PPM1B: variants seen among roughly 807,000 people sequenced by gnomAD.
The protein encoded by PPM1B is protein phosphatase 1B.
A neutral mutation model predicts 43.0 loss-of-function variants in PPM1B; 22 were observed. That is an observed-to-expected ratio of 0.51 (90% CI 0.37 to 0.73). PPM1B has a LOEUF of 0.73. PPM1B is among the 30% of genes least tolerant of loss of function. The pLI, the probability that PPM1B is intolerant of heterozygous loss-of-function variation, is 0.00. For missense variants in PPM1B, 632 were observed against 584.2 expected (o/e 1.08, Z -0.84); for synonymous variants, 217 against 197.9 (o/e 1.10, Z -0.81).
intron 5 of PPM1B, 45 bp from the exon 6 acceptor site, chr2:44,230,368 T>A: frequency 1.3e-6 from 2 of 1,594,764 alleles, no homozygotes; most frequent in Non-Finnish European, 8.5e-7. Context: ...ACATGTGATA[T>A]CCTAGTTTGT....
At chr2:44,228,172 T>A (rs1305118623) in intron 5 of PPM1B, among the ~76,000 whole-genome samples, 2 of 144,356 alleles carry the variant, frequency 1.4e-5, no homozygotes, top group East Asian at 2.1e-4. Flanking sequence ...TCCACCCGCC[T>A]CAGCCTAACA....
At chr2:44,194,678 G>A (rs938265872) in intron 1 of PPM1B, among the ~76,000 whole-genome samples, 4 of 151,634 alleles carry the variant, frequency 2.6e-5, no homozygotes, top group Non-Finnish European at 4.4e-5. Context: ...AGCCGAGATC[G>A]CGCTACTGCA....
intron 3 of PPM1B, 66 bp from the exon 4 acceptor site, chr2:44,217,901 G>C (rs1188309295): frequency 1.1e-6 from 1 of 952,226 alleles, no homozygotes; most frequent in Non-Finnish European, 1.5e-6. Flanking sequence ...AGTATCTCTT[G>C]TTTCACTTCT....
At chr2:44,229,949 TTAAATC>T (rs1192800956) in intron 5 of PPM1B, 23 of 1,468,240 alleles carry the variant, frequency 1.6e-5, no homozygotes, top group South Asian at 3.9e-5. Flanking sequence ...AAAAATCTGT[TTAAATC>T]TATATAGTTT....
chr2:44,190,556 T>C (rs937186472), intron 1 of PPM1B, among the ~76,000 whole-genome samples: 2 of 152,208 alleles, frequency 1.3e-5, no homozygotes, highest in African/African-American at 4.8e-5. Flanking sequence ...TTGTTCTTAC[T>C]TTTTAAGGCA....
At chr2:44,193,886 T>A (rs1001110375) in intron 1 of PPM1B, among the ~76,000 whole-genome samples, 7 of 151,574 alleles carry the variant, frequency 4.6e-5, no homozygotes, top group East Asian at 1.9e-4. Flanking sequence ...GCATAAAAAA[T>A]TTTTTTTTAT....
chr2:44,173,800 C>T (rs556441965), intron 1 of PPM1B, among the ~76,000 whole-genome samples: 67 of 152,116 alleles, frequency 4.4e-4, no homozygotes, highest in African/African-American at 1.4e-3. Flanking sequence ...AAAAATTAGC[C>T]GGGTGTGGTG....
At chr2:44,238,773 C>A (rs759734461), downstream of PPM1B, among the ~76,000 whole-genome samples, 1 of 151,880 alleles carries the variant, frequency 6.6e-6, no homozygotes, top group East Asian at 1.9e-4. Context: ...TAGTTTACTT[C>A]GGACTGTAAC....
chr2:44,199,705 A>G (rs1003644438), intron 1 of PPM1B, among the ~76,000 whole-genome samples: 1 of 152,228 alleles, frequency 6.6e-6, no homozygotes, highest in African/African-American at 2.4e-5. Flanking sequence ...ACAAAATATG[A>G]CATTCTACTG....
At chr2:44,185,724 TG>T (rs202229115) in intron 1 of PPM1B, among the ~76,000 whole-genome samples, 2,977 of 152,314 alleles carry the variant, frequency 0.02, 118 homozygotes, top group African/African-American at 0.068. Context: ...GGAGAATTAT[TG>T]AAAGTGACTA....
At chr2:44,192,376 C>G (rs184079149) in intron 1 of PPM1B, among the ~76,000 whole-genome samples, 2 of 151,956 alleles carry the variant, frequency 1.3e-5, no homozygotes, top group African/African-American at 2.4e-5. Flanking sequence ...AAACCATGCC[C>G]GGCTAATTTT....
At position 44,231,267 on chromosome 2, in the gene PPM1B, G is replaced by A; in HGVS notation, c.*549G>A. ...CTGTAGTTTTATTTTTAGAAGTTGT[G>A]AGATATTGGATGTGTGGCTATTTTT... On this transcript the variant is annotated 3_prime_UTR_variant, in exon 6 of 6. Transcript: ENST00000282412. 1.0e-6 allele frequency: 1 copy of A among 977,366 alleles called. No homozygotes were observed. Among genetic ancestry groups the A allele is most frequent in the Non-Finnish European group, 1.2e-6 (1 of 822,650 alleles). The allele number at this position is 977,366 out of a possible 1,614,324, so 60.5% of individuals were successfully genotyped here.
chr2:44,238,946 C>T (rs1416380044), downstream of PPM1B, among the ~76,000 whole-genome samples: 2 of 151,630 alleles, frequency 1.3e-5, no homozygotes, highest in Non-Finnish European at 2.9e-5. Flanking sequence ...GAAATTATTT[C>T]ACTAAAAATC....
At chr2:44,233,371 T>C, downstream of PPM1B, 1 of 984,252 alleles carries the variant, frequency 1.0e-6, no homozygotes, top group Non-Finnish European at 1.2e-6. Context: ...TACAGAGTGA[T>C]TGTCACATAA....
At chr2:44,175,305 T>G (rs1667530579) in intron 1 of PPM1B, among the ~76,000 whole-genome samples, 1 of 152,086 alleles carries the variant, frequency 6.6e-6, no homozygotes, top group Non-Finnish European at 1.5e-5. Flanking sequence ...GCACTCCAAA[T>G]GTTAAGATTA....
At chr2:44,244,163 C>A in intron 5 of PPM1B, 1 of 856,704 alleles carries the variant, frequency 1.2e-6, no homozygotes, top group Non-Finnish European at 1.5e-6. Flanking sequence ...TTACCAACCC[C>A]AATCCTGCAA....
intron 1 of PPM1B, among the ~76,000 whole-genome samples, chr2:44,175,293 A>G (rs570011692): frequency 5.3e-5 from 8 of 152,196 alleles, no homozygotes; most frequent in African/African-American, 1.7e-4. Context: ...AATTAATTCA[A>G]AGCACTCCAA....
chr2:44,210,047 C>G (rs1369435373), intron 3 of PPM1B, among the ~76,000 whole-genome samples: 1 of 152,144 alleles, frequency 6.6e-6, no homozygotes, highest in Non-Finnish European at 1.5e-5. Context: ...TTTCCCCTAA[C>G]AGTGTCATGA....
downstream of PPM1B, among the ~76,000 whole-genome samples, chr2:44,235,213 G>A (rs1670577613): frequency 1.3e-5 from 2 of 152,320 alleles, no homozygotes; most frequent in South Asian, 4.1e-4. Flanking sequence ...GGCTATGCAT[G>A]ATTTTGTCAC....
Sources: allele counts gnomAD v4.1 joint callset (sites outside exome capture counted in the v4.1 genomes callset), GRCh38; gene constraint gnomAD v4.1.1; transcripts MANE v1.5; gene names NCBI Gene and HGNC (gene_info 2026-07-23, HGNC 2026-07-21).